The following HMBOX1 variants were observed in gnomAD, a reference collection of about 807,000 sequenced individuals.
HMBOX1 encodes the protein homeobox containing 1, also known as homeobox-containing protein 1.
In HMBOX1, 14 loss-of-function variants were observed where a neutral mutation model predicts 54.5. The ratio of observed to expected loss-of-function variants is 0.26; its 90% confidence interval spans 0.17 to 0.40. HMBOX1 has a LOEUF of 0.40. Ranked by LOEUF, HMBOX1 falls within the 10% of genes least tolerant of loss-of-function variation. The probability of loss-of-function intolerance (pLI) is 1.00; values close to 1 mark genes in which losing one functional copy is unlikely to be tolerated. For missense variants in HMBOX1, 332 were observed against 514.4 expected, an observed-to-expected ratio of 0.65 and a Z score of 3.43; for synonymous variants, 160 against 181.0, an observed-to-expected ratio of 0.88 and a Z score of 0.93.
chr8:28,910,060 A>G (rs574103746), intron 1 of HMBOX1, among the ~76,000 whole-genome samples: 1 of 152,280 alleles, frequency 6.6e-6, no homozygotes, highest in Non-Finnish European at 1.5e-5. Flanking sequence ...TCCTAGCCCC[A>G]ACCCCAGCTC....
intron 4 of HMBOX1, among the ~76,000 whole-genome samples, chr8:28,995,766 T>A (rs1036039218): frequency 1.3e-5 from 2 of 152,178 alleles, no homozygotes; most frequent in Non-Finnish European, 2.9e-5. Context: ...TTTATGTATG[T>A]TTTTGGAAAA....
At chr8:29,026,693 A>G (rs1047825081) in intron 6 of HMBOX1, among the ~76,000 whole-genome samples, 1 of 152,196 alleles carries the variant, frequency 6.6e-6, no homozygotes, top group African/African-American at 2.4e-5. Flanking sequence ...CCACAGAGCT[A>G]ACAAGTGTCC....
In HMBOX1 at chr8:28,996,030, C is replaced by T. The variant is rs531501522; in HGVS notation, c.587-13042C>T. 2.7e-3 allele frequency among the ~76,000 whole-genome samples: 409 copies of T among 151,836 alleles called. 2 individuals carry two copies. Among genetic ancestry groups the T allele is most frequent in the Middle Eastern group, 0.014 (4 of 294 alleles). On this transcript the variant is annotated intron_variant, in intron 4 of 9. Coordinates refer to ENST00000287701, the MANE Select transcript of HMBOX1 (RefSeq NM_001135726.3). ...CTGAGGCAGGAGAATGGCGTGAACCCGGGAGGCAGAGCTTGCAGTGAGCCG... is the reference window on the plus strand; with the variant it reads ...CTGAGGCAGGAGAATGGCGTGAACCTGGGAGGCAGAGCTTGCAGTGAGCCG...
In HMBOX1 at chr8:29,007,831, T is replaced by C. The variant is rs115220533; in HGVS notation, c.587-1241T>C. Among the ~76,000 whole-genome samples, 873 of 152,224 alleles carry C rather than the reference T, an allele frequency of 5.7e-3. 4 individuals carry two copies. Among genetic ancestry groups the C allele is most frequent in the African/African-American group, 0.02 (848 of 41,520 alleles). Reference sequence around the variant, plus strand: ...TCAAAAAAGAAAAAAAGAAAGATGTTTCCAGTCAGAGAACTTTGCTTCACA... The same window carrying C: ...TCAAAAAAGAAAAAAAGAAAGATGTCTCCAGTCAGAGAACTTTGCTTCACA... On this transcript the variant is annotated intron_variant, in intron 4 of 9. Coordinates refer to ENST00000287701, the MANE Select transcript of HMBOX1 (RefSeq NM_001135726.3).
At chr8:28,991,052 G>T (rs1830910526) in intron 4 of HMBOX1, among the ~76,000 whole-genome samples, 1 of 152,158 alleles carries the variant, frequency 6.6e-6, no homozygotes, top group Non-Finnish European at 1.5e-5. Context: ...GTATTTTCTG[G>T]AAGCATTTGT....
chr8:29,005,990 A>ATTTT (rs775589443), intron 4 of HMBOX1, among the ~76,000 whole-genome samples: 4 of 120,856 alleles, frequency 3.3e-5, no homozygotes, highest in Admixed American at 8.6e-5. Flanking sequence ...GATGCATTCT[A>ATTTT]TTTTTTTTTT....
At chr8:28,891,602 G>A (rs1563332566) in intron 1 of HMBOX1, 1 of 152,236 alleles carries the variant, frequency 6.6e-6, no homozygotes, top group Admixed American at 6.5e-5. Flanking sequence ...TGTCTACTAA[G>A]GAGACGGAAT....
chr8:29,052,231 A>G lies in HMBOX1; in HGVS notation c.*1076A>G, dbSNP rs926047734. On this transcript the variant is annotated 3_prime_UTR_variant, in exon 10 of 10. Transcript: ENST00000287701. Reference sequence around the variant, plus strand: ...TCATAGTGGGGTTGTGCTGCTTATCACAGATGCAGACACTTGCCCAGATAG... The same window carrying G: ...TCATAGTGGGGTTGTGCTGCTTATCGCAGATGCAGACACTTGCCCAGATAG... The G allele has an allele frequency of 3.3e-5, 5 of 152,540 alleles. No homozygotes were observed. The highest frequency in any genetic ancestry group is 1.2e-4 in the African/African-American group (5 of 41,588). 9.4% of individuals were successfully genotyped at this position (152,540 alleles called of 1,614,324 possible).
chr8:28,916,694 C>A (rs1212821677), intron 1 of HMBOX1, among the ~76,000 whole-genome samples: 1 of 152,090 alleles, frequency 6.6e-6, no homozygotes, highest in Non-Finnish European at 1.5e-5. Context: ...TTTCTACGAA[C>A]ACACTATCTT....
At chr8:29,007,269 A>G (rs1485747091) in intron 4 of HMBOX1, among the ~76,000 whole-genome samples, 1 of 152,166 alleles carries the variant, frequency 6.6e-6, no homozygotes, top group Non-Finnish European at 1.5e-5. Flanking sequence ...AGTCTGGGCA[A>G]CAGAGTGAAA....
intron 2 of HMBOX1, among the ~76,000 whole-genome samples, 177 bp downstream of exon 2, chr8:28,964,067 TGTG>T (rs1452412595): frequency 1.3e-5 from 2 of 152,204 alleles, no homozygotes; most frequent in Non-Finnish European, 2.9e-5. Context: ...GTCATGATCA[TGTG>T]GTGAGAAATG....
intron 1 of HMBOX1, among the ~76,000 whole-genome samples, chr8:28,945,908 A>G (rs189225304): frequency 5.3e-5 from 8 of 151,294 alleles, no homozygotes; most frequent in Admixed American, 5.3e-4. Context: ...CTATATTCAC[A>G]GTTGTGTAAC....
At chr8:29,043,296 TTCC>T (rs898792424) in intron 6 of HMBOX1, among the ~76,000 whole-genome samples, 9 of 149,930 alleles carry the variant, frequency 6.0e-5, no homozygotes, top group Admixed American at 5.9e-4. Flanking sequence ...TAAAACGCTC[TTCC>T]TCCTCTTCTC....
chr8:29,033,982 A>G (rs2133212782), intron 6 of HMBOX1, among the ~76,000 whole-genome samples: 1 of 152,350 alleles, frequency 6.6e-6, no homozygotes, highest in East Asian at 1.9e-4. Context: ...TTGAGCTTCT[A>G]CTTTGTACCA....
intron 3 of HMBOX1, among the ~76,000 whole-genome samples, chr8:28,976,809 C>T (rs555329974): frequency 1.5e-4 from 22 of 150,504 alleles, no homozygotes; most frequent in Non-Finnish European, 3.1e-4. Context: ...GGGGTTCAAG[C>T]GATTCTCCTG....
chr8:28,938,993 TA>T (rs796576474), intron 1 of HMBOX1, among the ~76,000 whole-genome samples: 2 of 151,916 alleles, frequency 1.3e-5, no homozygotes, highest in Non-Finnish European at 2.9e-5. Flanking sequence ...TTTGTCTCTT[TA>T]AAAAAACAAA....
At chr8:28,958,831 G>GT (rs1291336332) in intron 1 of HMBOX1, among the ~76,000 whole-genome samples, 1 of 152,024 alleles carries the variant, frequency 6.6e-6, no homozygotes, top group African/African-American at 2.4e-5. Flanking sequence ...AAATGGCTAA[G>GT]TTTTACTGAA....
chr8:28,930,617 C>G (rs889560466), intron 1 of HMBOX1, among the ~76,000 whole-genome samples: 2 of 152,174 alleles, frequency 1.3e-5, no homozygotes, highest in Non-Finnish European at 2.9e-5. Flanking sequence ...AGGTTTAAAT[C>G]AAACCAGTCT....
chr8:28,996,033 G>C (rs1293304104), intron 4 of HMBOX1, among the ~76,000 whole-genome samples: 2 of 151,990 alleles, frequency 1.3e-5, no homozygotes, highest in Non-Finnish European at 2.9e-5. Context: ...GTGAACCCGG[G>C]AGGCAGAGCT....
Sources: gnomAD v4.1 joint callset for allele counts (sites outside exome capture counted in the v4.1 genomes callset) on GRCh38, gnomAD v4.1.1 for gene constraint, MANE v1.5 for transcripts, NCBI Gene and HGNC (gene_info 2026-07-23, HGNC 2026-07-21) for gene names.